Variants in CLCA4 observed in about 807,000 individuals in gnomAD.
CLCA4 encodes chloride channel accessory 4, also known as calcium-activated chloride channel regulator 4.
In CLCA4, 69 loss-of-function variants were observed where a neutral mutation model predicts 78.9. The ratio of observed to expected loss-of-function variants is 0.87; its 90% CI spans 0.72 to 1.07. The LOEUF (loss-of-function observed/expected upper bound fraction) is 1.07, where lower values mean the gene tolerates loss of function less well. Among genes scored for constraint, CLCA4 ranks in the 50% least tolerant of loss-of-function variants. The pLI, the probability that CLCA4 is intolerant of heterozygous loss-of-function variation, is 0.00. For missense variants in CLCA4, 1,133 were observed against 1,095.8 expected (o/e 1.03, Z -0.48); for synonymous variants, 362 against 375.8 (o/e 0.96, Z 0.42).
chr1:86,550,887 A>G (rs1649636107), intron 1 of CLCA4, among the ~76,000 whole-genome samples: 1 of 143,674 alleles, frequency 7.0e-6, no homozygotes, highest in Non-Finnish European at 1.5e-5. Context: ...GCTGGAGTGC[A>G]GTGGTGCGAT....
chr1:86,559,099 C>T (rs764067867), intron 1 of CLCA4, among the ~76,000 whole-genome samples: 2 of 152,112 alleles, frequency 1.3e-5, no homozygotes, highest in East Asian at 3.9e-4. Flanking sequence ...GGCCTCCTAG[C>T]AGGTTTGGGG....
At chr1:86,556,807 T>C (rs1160554431) in intron 1 of CLCA4, among the ~76,000 whole-genome samples, 1 of 152,186 alleles carries the variant, frequency 6.6e-6, no homozygotes, top group Non-Finnish European at 1.5e-5. Flanking sequence ...TGTGAATCCA[T>C]AAGATCCTGG....
In CLCA4 at chr1:86,574,864, G is replaced by GTACTTTTAAA. The variant is rs1237683203; in HGVS notation, c.1683+109_1683+110insTACTTTTAAA. ...AAGGCTGTATCAACTTTAAAATTAAGATAAAATAGTATGTACTTTCCATGC... is the reference window on the plus strand; with the variant it reads ...AAGGCTGTATCAACTTTAAAATTAAGTACTTTTAAAATAAAATAGTATGTACTTTCCATGC... On this transcript the variant is annotated intron_variant, in intron 10 of 13. Coordinates refer to ENST00000370563, the MANE Select transcript of CLCA4 (RefSeq NM_012128.4). 7.1e-5 allele frequency: 56 copies of GTACTTTTAAA among 792,448 alleles called. No individual in the cohort carries two copies. The East Asian group carries it at 1.2e-3, about 17-fold the overall frequency. 49.1% of individuals were successfully genotyped at this position (792,448 alleles called of 1,614,324 possible).
At chr1:86,562,869 A>AAAG (rs200050743) in intron 3 of CLCA4, among the ~76,000 whole-genome samples, 3,335 of 148,268 alleles carry the variant, frequency 0.022, 62 homozygotes, top group Non-Finnish European at 0.036. Flanking sequence ...AAAAAAAAAA[A>AAAG]AAGAAGAAGA....
rs1261704636 is a variant in CLCA4 at position 86,580,337 on chromosome 1, A to G, written c.2752A>G (p.Thr918Ala). 1.3e-6 allele frequency: 2 copies of G among 1,573,284 alleles called. No homozygotes were observed. The highest frequency in any genetic ancestry group is 3.9e-5 in the Admixed American group (2 of 51,422). ...VVIVNFILST[T>A]I ...AATTGTTAACTTTATTTTAAGTACC[A>G]CCATTTGAACCTTAACGAAGAAAAA... is the stretch of plus-strand genomic sequence containing the variant. Residue 918 changes from threonine (T) to alanine (A), a missense_variant, in exon 14 of 14, where the codon ACC (threonine) becomes GCC (alanine). Coordinates refer to ENST00000370563, the MANE Select transcript of CLCA4 (RefSeq NM_012128.4).
At chr1:86,576,986 T>C (rs1172085556) in intron 11 of CLCA4, among the ~76,000 whole-genome samples, 1 of 152,106 alleles carries the variant, frequency 6.6e-6, no homozygotes, top group Non-Finnish European at 1.5e-5. Flanking sequence ...CAGTATATTT[T>C]GCAATGTAAC....
At chr1:86,577,020 A>G (rs965866088) in intron 11 of CLCA4, among the ~76,000 whole-genome samples, 9 of 152,122 alleles carry the variant, frequency 5.9e-5, no homozygotes, top group Admixed American at 5.9e-4. Context: ...TTATAATCAT[A>G]TCTTCAACTA....
At chr1:86,562,943 C>A (rs1482464414) in intron 3 of CLCA4, among the ~76,000 whole-genome samples, 1 of 151,356 alleles carries the variant, frequency 6.6e-6, no homozygotes, top group Non-Finnish European at 1.5e-5. Context: ...TTTTCAGATT[C>A]ATATGAGGTC....
Position 86,566,794 on chromosome 1 carries a change from T to C in CLCA4, c.955-630T>C, listed in dbSNP as rs541663839. Among the ~76,000 whole-genome samples, 3 of 152,106 alleles carry C rather than the reference T, an allele frequency of 2.0e-5. No individual in the cohort carries two copies. In the South Asian group the frequency reaches 6.2e-4, roughly 32 times the overall value. On this transcript the variant is annotated intron_variant, in intron 6 of 13. Transcript: ENST00000370563. ...GAGAAGACAAATGCATGAAAAAGCT[T>C]ACACCTTAGACAATCCCCTCCGAAA...
chr1:86,555,716 T>C (rs1036096185), intron 1 of CLCA4, among the ~76,000 whole-genome samples: 2 of 152,222 alleles, frequency 1.3e-5, no homozygotes, highest in African/African-American at 4.8e-5. Context: ...TAAAATAGTT[T>C]TTTTCTAGTG....
intron 3 of CLCA4, among the ~76,000 whole-genome samples, chr1:86,561,751 A>C (rs1650025664): frequency 6.6e-6 from 1 of 152,026 alleles, no homozygotes; most frequent in Non-Finnish European, 1.5e-5. Context: ...TGTAAGCTTA[A>C]TGTCCCCATA....
chr1:86,579,224 A>G (rs1650627821), intron 12 of CLCA4, 130 bp from the exon 13 acceptor site: 2 of 712,628 alleles, frequency 2.8e-6, no homozygotes, highest in Non-Finnish European at 4.8e-6. Flanking sequence ...TATGATTGTC[A>G]CAAAACTTAG....
chr1:86,552,928 G>A (rs966125999), intron 1 of CLCA4: 7 of 655,554 alleles, frequency 1.1e-5, no homozygotes, highest in South Asian at 1.7e-5. Flanking sequence ...CTCCCTCTGC[G>A]GGTGCCTCGG....
chr1:86,553,103 T>G, intron 1 of CLCA4: 1 of 739,288 alleles, frequency 1.4e-6, no homozygotes, highest in Non-Finnish European at 2.4e-6. Context: ...GCCTGGGGTG[T>G]GCGCCGTATC....
rs1339073891 is a variant in CLCA4 at position 86,552,584 on chromosome 1, C to G, written c.159+5306C>G. On this transcript the variant is annotated intron_variant, in intron 1 of 13. Coordinates refer to ENST00000370563, the MANE Select transcript of CLCA4 (RefSeq NM_012128.4). ...GGGAGCCAGTGCTCACGTGTCCACG[C>G]GTCAGACACAGCTGCGAGCGCTCAG... 5.0e-6 allele frequency: 3 copies of G among 599,922 alleles called. No homozygotes were observed. The South Asian group carries it at 5.8e-5, about 12-fold the overall frequency. The allele number at this position is 599,922 out of a possible 1,614,324, so 37.2% of individuals were successfully genotyped here.
At chr1:86,577,588 G>A (rs1650556875) in intron 11 of CLCA4, among the ~76,000 whole-genome samples, 1 of 148,430 alleles carries the variant, frequency 6.7e-6, no homozygotes, top group South Asian at 2.1e-4. Flanking sequence ...GAAATTGTAA[G>A]AGTACTATAT....
intron 1 of CLCA4, among the ~76,000 whole-genome samples, chr1:86,557,596 G>T (rs540669866): frequency 4.6e-5 from 7 of 152,244 alleles, no homozygotes; most frequent in African/African-American, 1.7e-4. Context: ...TATGATTTCA[G>T]TTCTTTTGCA....
At chr1:86,560,505 G>A in intron 3 of CLCA4, 147 bp downstream of exon 3, 1 of 736,202 alleles carries the variant, frequency 1.4e-6, no homozygotes, top group Non-Finnish European at 2.2e-6. Context: ...TTAAACAAGT[G>A]ACCTACTGTC....
At position 86,574,543 on chromosome 1, in the gene CLCA4, G is replaced by C; in HGVS notation, c.1471G>C (p.Glu491Gln). The change falls in exon 10 of 14, where the codon GAA becomes CAA. Residue 491 changes from glutamate to glutamine, a missense_variant. By Grantham distance (29) the Glu-to-Gln change is conservative. Coordinates refer to ENST00000370563, the MANE Select transcript of CLCA4 (RefSeq NM_012128.4). ...TDLSQKSLQLESKGLTLNSNA... is the reference protein window; with the variant it reads ...TDLSQKSLQLQSKGLTLNSNA... ...ATTTTGAAATCTATTTAAACAGCTC[G>C]AAAGTAAGGGATTAACACTGAATAG... is the stretch of plus-strand genomic sequence containing the variant. 6.2e-7 allele frequency: 1 copy of C among 1,610,384 alleles called. No individual in the cohort carries two copies. The highest frequency in any genetic ancestry group is 1.7e-4 in the Middle Eastern group (1 of 6,048).
Sources: allele counts gnomAD v4.1 joint callset (sites outside exome capture counted in the v4.1 genomes callset), GRCh38; gene constraint gnomAD v4.1.1; transcripts MANE v1.5; gene names NCBI Gene and HGNC (gene_info 2026-07-23, HGNC 2026-07-21).